The following CCNB3 variants were observed in gnomAD, a reference collection of about 807,000 sequenced individuals.
The protein encoded by CCNB3 is G2/mitotic-specific cyclin-B3.
CCNB3 carries 12 observed loss-of-function variants against 68.0 expected under a neutral mutation model. That is an observed-to-expected ratio of 0.18 (90% CI 0.11 to 0.29). CCNB3 has a LOEUF of 0.29. Ranked by LOEUF, CCNB3 falls within the 10% of genes least tolerant of loss-of-function variation. CCNB3 has a pLI of 1.00. For missense variants in CCNB3, 904 were observed against 993.1 expected, an observed-to-expected ratio of 0.91 and a Z score of 1.21; for synonymous variants, 354 against 388.9, an observed-to-expected ratio of 0.91 and a Z score of 1.06.
intron 1 of CCNB3, among the ~76,000 whole-genome samples, chrX:50,209,874 A>G (rs1169678037): frequency 4.5e-5 from 5 of 111,389 alleles, no homozygotes; most frequent in Non-Finnish European, 9.4e-5. Flanking sequence ...TTCTGCTTTT[A>G]TCATTATTAT....
chrX:50,338,467 G>A (rs782691188), intron 8 of CCNB3, among the ~76,000 whole-genome samples: 8 of 111,957 alleles, frequency 7.1e-5, no homozygotes, highest in Non-Finnish European at 1.5e-4. Context: ...GTATGTGACT[G>A]GGGGCTGCAT....
intron 8 of CCNB3, 117 bp downstream of exon 8, chrX:50,314,065 C>G (rs1341252447): frequency 2.0e-6 from 1 of 488,005 alleles, no homozygotes; most frequent in African/African-American, 2.4e-5. Context: ...GCTGTGGTTC[C>G]TGCCCTCAAG....
chrX:50,301,085 T>C (rs1480572688), intron 5 of CCNB3, among the ~76,000 whole-genome samples: 1 of 111,063 alleles, frequency 9.0e-6, no homozygotes, highest in Non-Finnish European at 1.9e-5. Context: ...TCGGACTTCC[T>C]CCTTTAGCTC....
chrX:50,211,240 C>T (rs1215226413), intron 1 of CCNB3, among the ~76,000 whole-genome samples: 102 of 111,247 alleles, frequency 9.2e-4, no homozygotes, highest in African/African-American at 3.2e-3. Flanking sequence ...TCCAGCCTGG[C>T]TGACAGAGCA....
intron 6 of CCNB3, 73 bp downstream of exon 6, chrX:50,311,569 TG>T (rs1921454551): frequency 7.4e-6 from 6 of 809,462 alleles, no homozygotes; most frequent in South Asian, 5.5e-5. Flanking sequence ...CTAGCAAAGT[TG>T]TTTTTTTTTT....
intron 8 of CCNB3, among the ~76,000 whole-genome samples, chrX:50,318,481 C>G (rs782457598): frequency 9.0e-6 from 1 of 111,450 alleles, no homozygotes; most frequent in Non-Finnish European, 1.9e-5. Flanking sequence ...CCACTGCACT[C>G]CAGCCTGGGC....
intron 8 of CCNB3, among the ~76,000 whole-genome samples, chrX:50,321,897 T>G (rs1370272320): frequency 9.0e-6 from 1 of 111,294 alleles, no homozygotes; most frequent in Non-Finnish European, 1.9e-5. Flanking sequence ...TGTGTCTATT[T>G]ACTTCCCAGG....
Position 50,308,821 on chromosome X carries a change from A to C in CCNB3, c.652A>C (p.Lys218Gln). The change falls in exon 6 of 13, where the codon AAA becomes CAA. Residue 218 changes from lysine (K) to glutamine (Q), a missense_variant. Lys to Gln is a moderately conservative substitution (Grantham distance 53). Coordinates refer to ENST00000376042, the MANE Select transcript of CCNB3 (RefSeq NM_033031.3). ...IEPMTFKKTHKTEEAAITKKT... is the reference protein window; with the variant it reads ...IEPMTFKKTHQTEEAAITKKT... Reference sequence around the variant, plus strand: ...GCCAATGACTTTTAAGAAGACACATAAAACTGAGGAGGCAGCCATCACCAA... The same window carrying C: ...GCCAATGACTTTTAAGAAGACACATCAAACTGAGGAGGCAGCCATCACCAA... The C allele has an allele frequency of 8.3e-7, 1 of 1,211,736 alleles. No homozygotes were observed. Among genetic ancestry groups the C allele is most frequent in the Non-Finnish European group, 1.1e-6 (1 of 895,460 alleles).
At chrX:50,307,516 G>C (rs73495628) in intron 5 of CCNB3, among the ~76,000 whole-genome samples, 6 of 111,135 alleles carry the variant, frequency 5.4e-5, no homozygotes, top group Admixed American at 1.9e-4. Context: ...ATCTGGTCAA[G>C]CAGAACCTTT....
At chrX:50,339,200 C>A (rs1427541276) in intron 8 of CCNB3, among the ~76,000 whole-genome samples, 1 of 112,204 alleles carries the variant, frequency 8.9e-6, no homozygotes, top group Admixed American at 9.4e-5. Context: ...GTAGTCAGGG[C>A]ATAGCTTGGT....
intron 5 of CCNB3, among the ~76,000 whole-genome samples, chrX:50,299,265 C>T (rs1372922641): frequency 9.0e-6 from 1 of 111,037 alleles, no homozygotes; most frequent in Non-Finnish European, 1.9e-5. Flanking sequence ...CTCTTGCGGG[C>T]ATTTAGTGCT....
At chrX:50,323,335 C>T (rs781809786) in intron 8 of CCNB3, among the ~76,000 whole-genome samples, 27 of 106,852 alleles carry the variant, frequency 2.5e-4, no homozygotes, top group African/African-American at 7.5e-4. Context: ...AACCAAACAC[C>T]GCATGTTCTC....
chrX:50,287,563 A>G (rs997284419), intron 3 of CCNB3, among the ~76,000 whole-genome samples: 1 of 112,082 alleles, frequency 8.9e-6, no homozygotes, highest in Non-Finnish European at 1.9e-5. Flanking sequence ...AGCTTTACTG[A>G]TAAGAAAATT....
intron 8 of CCNB3, among the ~76,000 whole-genome samples, chrX:50,336,008 C>T (rs1922832679): frequency 9.0e-6 from 1 of 111,043 alleles, no homozygotes; most frequent in Admixed American, 9.5e-5. Context: ...AAGGGGGTGA[C>T]CAGGGTGGTC....
At chrX:50,206,291 G>A (rs186041706) in intron 1 of CCNB3, among the ~76,000 whole-genome samples, 31 of 110,812 alleles carry the variant, frequency 2.8e-4, no homozygotes, top group African/African-American at 9.8e-4. Context: ...CTTGGTAACA[G>A]CTGGGCGCTG....
In CCNB3 at chrX:50,312,642, T is replaced by C; in HGVS notation, c.3423+10T>C. On this transcript the variant is annotated intron_variant, in intron 7 of 12. Coordinates refer to ENST00000376042, the MANE Select transcript of CCNB3 (RefSeq NM_033031.3). ...CATGAAAGAGAGAGAGGTATTTAGG[T>C]TGCTTGGGTTGGGCAATGATTTCTA... The C allele has an allele frequency of 3.6e-6, 4 of 1,126,252 alleles. No homozygotes were observed. Among genetic ancestry groups the C allele is most frequent in the Non-Finnish European group, 3.6e-6 (3 of 824,327 alleles). The allele number at this position is 1,126,252 out of a possible 1,213,427, so 92.8% of individuals were successfully genotyped here. A position where few individuals can be genotyped will look rare whatever the true frequency, so the allele number is the denominator to read the frequency against.
chrX:50,228,121 T>C (rs1481463429), intron 1 of CCNB3, among the ~76,000 whole-genome samples: 1 of 90,134 alleles, frequency 1.1e-5, no homozygotes, highest in Non-Finnish European at 2.1e-5. Context: ...ATATAAATAA[T>C]ATATGAATAT....
At chrX:50,305,011 G>A in intron 5 of CCNB3, among the ~76,000 whole-genome samples, 1 of 111,542 alleles carries the variant, frequency 9.0e-6, no homozygotes, top group Admixed American at 9.5e-5. Context: ...AACAACAGGT[G>A]CTGGAGAGGA....
intron 8 of CCNB3, among the ~76,000 whole-genome samples, chrX:50,324,114 G>A (rs1379853976): frequency 1.8e-5 from 2 of 111,959 alleles, no homozygotes; most frequent in African/African-American, 6.5e-5. Context: ...CCGCAATCTC[G>A]GCTCACCGCA....
Sources: allele counts gnomAD v4.1 joint callset (sites outside exome capture counted in the v4.1 genomes callset), GRCh38; gene constraint gnomAD v4.1.1; transcripts MANE v1.5; gene names NCBI Gene and HGNC (gene_info 2026-07-23, HGNC 2026-07-21).